Variants in SPMIP2 observed in about 807,000 individuals in gnomAD.
SPMIP2 encodes sperm microtubule inner protein 2.
chr4:158,999,986 A>G, the SPMIP2 span, among the ~76,000 whole-genome samples: 3 of 152,172 alleles, frequency 2.0e-5, no homozygotes, highest in Admixed American at 1.3e-4. Flanking sequence ...AGAACTTGGG[A>G]AAGTCATTTC....
chr4:159,065,081 T>C, the SPMIP2 span, among the ~76,000 whole-genome samples: 21 of 152,238 alleles, frequency 1.4e-4, no homozygotes, highest in African/African-American at 4.3e-4. Flanking sequence ...TTTCACATTA[T>C]ACCTGTTCAC....
the SPMIP2 span, chr4:158,907,100 C>G: frequency 2.6e-5 from 4 of 152,318 alleles, no homozygotes; most frequent in African/African-American, 9.6e-5. Context: ...GAGCAGAAGT[C>G]TGTAAATGTC....
the SPMIP2 span, among the ~76,000 whole-genome samples, chr4:158,927,988 C>A: frequency 3.9e-5 from 6 of 152,358 alleles, no homozygotes; most frequent in East Asian, 1.9e-4. Context: ...CTTCCCACCC[C>A]CTCTGTGGGC....
At chr4:158,981,879 T>G in the SPMIP2 span, among the ~76,000 whole-genome samples, 3 of 145,684 alleles carry the variant, frequency 2.1e-5, no homozygotes, top group Non-Finnish European at 4.5e-5. Context: ...ATAACAATAT[T>G]AACCTTAAAT....
chr4:159,006,352 T>G, the SPMIP2 span, among the ~76,000 whole-genome samples: 1 of 152,176 alleles, frequency 6.6e-6, no homozygotes, highest in African/African-American at 2.4e-5. Flanking sequence ...TAAGCAACCA[T>G]GTTTACGCGA....
the SPMIP2 span, among the ~76,000 whole-genome samples, chr4:158,986,066 C>T: frequency 6.6e-6 from 1 of 150,830 alleles, no homozygotes; most frequent in East Asian, 1.9e-4. Flanking sequence ...ACCTAGGAAT[C>T]CAACTTACAA....
At chr4:159,062,679 AT>A in the SPMIP2 span, among the ~76,000 whole-genome samples, 6 of 58,432 alleles carry the variant, frequency 1.0e-4, no homozygotes, top group Admixed American at 1.9e-4. Flanking sequence ...GGCTGATTGC[AT>A]TTTTTTTTGA....
the SPMIP2 span, among the ~76,000 whole-genome samples, chr4:159,040,675 A>G: frequency 6.6e-6 from 1 of 152,136 alleles, no homozygotes; most frequent in Non-Finnish European, 1.5e-5. Context: ...TGTGTTTCCC[A>G]GGCTGGTCTT....
the SPMIP2 span, among the ~76,000 whole-genome samples, chr4:158,992,526 G>A: frequency 6.6e-6 from 1 of 150,434 alleles, no homozygotes; most frequent in Non-Finnish European, 1.5e-5. Context: ...GTGGACTGCA[G>A]TAAGCTTTTG....
the SPMIP2 span, among the ~76,000 whole-genome samples, chr4:158,972,314 A>C: frequency 6.6e-6 from 1 of 152,328 alleles, no homozygotes; most frequent in African/African-American, 2.4e-5. Flanking sequence ...GCGAGTCAAG[A>C]TCGTGCCACT....
chr4:158,915,342 A>C, the SPMIP2 span: 1 of 1,611,874 alleles, frequency 6.2e-7, no homozygotes, highest in Non-Finnish European at 8.5e-7. Context: ...CATATCCAGG[A>C]CATGAGGTTT....
the SPMIP2 span, among the ~76,000 whole-genome samples, chr4:159,055,688 T>TGACA: frequency 5.3e-5 from 8 of 152,098 alleles, no homozygotes; most frequent in Non-Finnish European, 1.0e-4. Flanking sequence ...CCAGCCTGGG[T>TGACA]GACAGAGTAA....
At chr4:158,961,209 T>C in the SPMIP2 span, among the ~76,000 whole-genome samples, 1 of 152,110 alleles carries the variant, frequency 6.6e-6, no homozygotes, top group Admixed American at 6.5e-5. Context: ...ATTATAAAAA[T>C]TTCAACATTA....
the SPMIP2 span, chr4:158,905,468 T>C: frequency 6.6e-6 from 1 of 152,238 alleles, no homozygotes. Context: ...TGACTATTTT[T>C]ACTTTAAAAG....
the SPMIP2 span, among the ~76,000 whole-genome samples, chr4:159,037,185 A>G: frequency 6.6e-6 from 1 of 152,212 alleles, no homozygotes; most frequent in Non-Finnish European, 1.5e-5. Context: ...AATCTGTTGT[A>G]GGCTTAGGGT....
chr4:158,915,052 A>G, the SPMIP2 span: 1 of 847,724 alleles, frequency 1.2e-6, no homozygotes, highest in Non-Finnish European at 1.8e-6. Context: ...ATGCTTCGAT[A>G]GGTTAAAAGA....
At chr4:159,081,485 T>G in the SPMIP2 span, among the ~76,000 whole-genome samples, 2 of 150,830 alleles carry the variant, frequency 1.3e-5, no homozygotes, top group Non-Finnish European at 1.5e-5. Context: ...GGCTCAGGAG[T>G]TCAAGACCAG....
At chr4:158,975,661 T>G in the SPMIP2 span, among the ~76,000 whole-genome samples, 96,118 of 151,970 alleles carry the variant, frequency 0.63, 30,726 homozygotes, top group Middle Eastern at 0.71. Flanking sequence ...GGTCTACATA[T>G]CTATTTTGAT....
the SPMIP2 span, among the ~76,000 whole-genome samples, chr4:158,913,922 A>G: frequency 2.0e-3 from 306 of 152,134 alleles, 3 homozygotes; most frequent in Middle Eastern, 3.5e-3. Flanking sequence ...TAAGAGAGAG[A>G]GGAAGAAAGC....
Sources: allele counts gnomAD v4.1 joint callset (sites outside exome capture counted in the v4.1 genomes callset), GRCh38; gene constraint gnomAD v4.1.1; transcripts MANE v1.5; gene names NCBI Gene and HGNC (gene_info 2026-07-23, HGNC 2026-07-21).